SHOC1: variants seen among roughly 807,000 people sequenced by gnomAD.
The protein encoded by SHOC1 is shortage in chiasmata 1.
In SHOC1, 136 loss-of-function variants were observed where a neutral mutation model predicts 179.2. The observed-to-expected ratio is 0.76, with a 90% CI of 0.66 to 0.87. The LOEUF (loss-of-function observed/expected upper bound fraction) is 0.87. Among genes scored for constraint, SHOC1 ranks in the 40% least tolerant of loss-of-function variants. The pLI, the probability that SHOC1 is intolerant of heterozygous loss-of-function variation, is 0.00. For synonymous variants in SHOC1, 489 were observed against 586.6 expected (o/e 0.83, Z 2.41); for missense variants, 1,538 against 1,700.8 (o/e 0.90, Z 1.68).
chr9:111,735,062 A>G (rs1356800678), intron 12 of SHOC1, among the ~76,000 whole-genome samples: 2 of 151,968 alleles, frequency 1.3e-5, no homozygotes, highest in Non-Finnish European at 2.9e-5. Flanking sequence ...AACATGCAGT[A>G]TTTGGTTTTC....
chr9:111,765,449 G>A (rs948601053), intron 5 of SHOC1, among the ~76,000 whole-genome samples: 1 of 151,414 alleles, frequency 6.6e-6, no homozygotes, highest in Non-Finnish European at 1.5e-5. Flanking sequence ...AATACAATGG[G>A]TGTGGTGGCA....
chr9:111,699,523 G>A (rs1447940264), intron 24 of SHOC1, among the ~76,000 whole-genome samples: 2 of 152,140 alleles, frequency 1.3e-5, no homozygotes, highest in Non-Finnish European at 2.9e-5. Flanking sequence ...CCCTGAACTT[G>A]GACAAATGTC....
intron 13 of SHOC1, among the ~76,000 whole-genome samples, chr9:111,726,648 A>G (rs1350075792): frequency 6.6e-6 from 1 of 152,212 alleles, no homozygotes; most frequent in Non-Finnish European, 1.5e-5. Context: ...TTAAGAACTG[A>G]AGATCTTGTG....
At chr9:111,772,237 A>G (rs544729723) in intron 5 of SHOC1, among the ~76,000 whole-genome samples, 1 of 152,160 alleles carries the variant, frequency 6.6e-6, no homozygotes, top group East Asian at 1.9e-4. Context: ...CAGTTCCAAA[A>G]TTTGTTTGAG....
At chr9:111,782,948 A>T (rs1196353534) in intron 3 of SHOC1, among the ~76,000 whole-genome samples, 1 of 152,072 alleles carries the variant, frequency 6.6e-6, no homozygotes, top group African/African-American at 2.4e-5. Context: ...CTTCCTATCT[A>T]CACAGGGGAA....
In SHOC1 at chr9:111,706,616, T is replaced by C. The variant is rs1417361706; in HGVS notation, c.2689A>G (p.Ile897Val). Residue 897 changes from isoleucine to valine, a missense_variant, in exon 20 of 28, where the codon ATT (isoleucine) becomes GTT (valine). Transcript: ENST00000682961. Reference protein sequence around the residue: ...CWTKHCKELNIPYMAFKVILP... With the variant: ...CWTKHCKELNVPYMAFKVILP... ...ATCACTTTAAAGGCCATGTAAGGAA[T>C]ATTCAACTCTTTGCAGTGTTTAGTC... 1.9e-6 allele frequency: 3 copies of C among 1,601,070 alleles called. No individual in the cohort carries two copies. The highest frequency in any genetic ancestry group is 2.6e-6 in the Non-Finnish European group (3 of 1,173,630).
chr9:111,763,489 T>C (rs536088031), intron 5 of SHOC1, among the ~76,000 whole-genome samples: 3 of 152,090 alleles, frequency 2.0e-5, no homozygotes, highest in South Asian at 2.1e-4. Flanking sequence ...AACAGCAATA[T>C]TGGAAGCTAG....
intron 7 of SHOC1, among the ~76,000 whole-genome samples, chr9:111,757,257 T>C (rs1307814814): frequency 1.3e-5 from 2 of 152,024 alleles, no homozygotes; most frequent in African/African-American, 2.4e-5. Context: ...CGCCCACCAC[T>C]ATGCCTGGCT....
intron 5 of SHOC1, among the ~76,000 whole-genome samples, chr9:111,773,170 C>T (rs988245224): frequency 2.0e-5 from 3 of 151,994 alleles, no homozygotes; most frequent in African/African-American, 7.3e-5. Flanking sequence ...TTTTGGTTTC[C>T]CATATGAGCA....
At chr9:111,722,617 T>C in intron 14 of SHOC1, 32 bp from the exon 15 acceptor site, 1 of 1,563,866 alleles carries the variant, frequency 6.4e-7, no homozygotes, top group Non-Finnish European at 8.6e-7. Context: ...TGGCAGTGTT[T>C]TAATAAAGAT....
intron 5 of SHOC1, among the ~76,000 whole-genome samples, chr9:111,774,896 A>G (rs1242244492): frequency 1.3e-5 from 2 of 152,186 alleles, no homozygotes; most frequent in East Asian, 3.8e-4. Context: ...TTATACATAC[A>G]AGAAAGGCAA....
intron 13 of SHOC1, among the ~76,000 whole-genome samples, chr9:111,726,529 C>T (rs1361159623): frequency 6.6e-6 from 1 of 152,178 alleles, no homozygotes; most frequent in South Asian, 2.1e-4. Context: ...TTCCAAAGTT[C>T]TGGGATTAGA....
chr9:111,735,340 C>T (rs939214802), intron 12 of SHOC1, among the ~76,000 whole-genome samples: 8 of 152,094 alleles, frequency 5.3e-5, no homozygotes, highest in African/African-American at 1.7e-4. Context: ...CGTTAGCCCC[C>T]AACCCCACAA....
chr9:111,744,026 G>A lies in SHOC1; in HGVS notation c.1079+2208C>T, dbSNP rs545643819. On this transcript the variant is annotated intron_variant, in intron 10 of 27. Transcript: ENST00000682961. ...AATCGTAAGTCATTAGTTAAGATTT[G>A]TTTCATAAATTCTTATTAGATATTT... Among the ~76,000 whole-genome samples, 17 of 152,126 alleles carry A rather than the reference G, an allele frequency of 1.1e-4. No homozygotes were observed. The East Asian group carries it at 3.3e-3, about 29-fold the overall frequency.
chr9:111,697,991 T>C (rs1831783361), intron 24 of SHOC1, among the ~76,000 whole-genome samples: 1 of 152,232 alleles, frequency 6.6e-6, no homozygotes, highest in African/African-American at 2.4e-5. Context: ...AATGTCTTCT[T>C]TTGAGAAGTG....
chr9:111,688,098 G>A (rs1291484327), intron 27 of SHOC1, among the ~76,000 whole-genome samples: 1 of 152,084 alleles, frequency 6.6e-6, no homozygotes, highest in African/African-American at 2.4e-5. Context: ...TAGCATTCTG[G>A]TAAACGTTTA....
intron 11 of SHOC1, among the ~76,000 whole-genome samples, chr9:111,740,409 C>A (rs7859719): frequency 1.3e-5 from 2 of 151,960 alleles, no homozygotes; most frequent in Admixed American, 1.3e-4. Context: ...CTCAGTGATT[C>A]ATTTAAAAAT....
rs550342135 is a variant in SHOC1 at position 111,723,925 on chromosome 9, T to TA, written c.1835-15dup. On this transcript the variant is annotated splice_polypyrimidine_tract_variant and intron_variant, in intron 13 of 27. Coordinates refer to ENST00000682961, the MANE Select transcript of SHOC1 (RefSeq NM_001378211.1). ...ATGCTTCTTTATCTTGAAATTCCAA[T>TA]AAAAAATATAAATTTTTGTTGTTCA... is the stretch of plus-strand genomic sequence containing the variant. The TA allele has an allele frequency of 1.3e-6, 2 of 1,481,998 alleles. No homozygotes were observed. Among genetic ancestry groups the TA allele is most frequent in the African/African-American group, 1.4e-5 (1 of 70,568 alleles). The allele number at this position is 1,481,998 out of a possible 1,614,324, so 91.8% of individuals were successfully genotyped here.
At chr9:111,737,218 A>T (rs1031844622) in intron 12 of SHOC1, among the ~76,000 whole-genome samples, 35 of 152,296 alleles carry the variant, frequency 2.3e-4, no homozygotes, top group African/African-American at 7.2e-4. Flanking sequence ...GGTATATGTT[A>T]AAAAAATCGT....
Sources: allele counts gnomAD v4.1 joint callset (sites outside exome capture counted in the v4.1 genomes callset), GRCh38; gene constraint gnomAD v4.1.1; transcripts MANE v1.5; gene names NCBI Gene and HGNC (gene_info 2026-07-23, HGNC 2026-07-21).